RGS7: variants seen among roughly 807,000 people sequenced by gnomAD.
RGS7 encodes regulator of G protein signaling 7.
A neutral mutation model predicts 81.1 loss-of-function variants in RGS7; 27 were observed. The observed-to-expected ratio is 0.33, with a 90% CI of 0.25 to 0.46. The LOEUF (loss-of-function observed/expected upper bound fraction) is 0.46, where lower values mean the gene tolerates loss of function less well. Among genes scored for constraint, RGS7 ranks in the 20% least tolerant of loss-of-function variants. The pLI is 1.00. For synonymous variants in RGS7, 208 were observed against 207.7 expected, an observed-to-expected ratio of 1.00 and a Z score of -0.01; for missense variants, 396 against 607.4, an observed-to-expected ratio of 0.65 and a Z score of 3.66.
intron 13 of RGS7, among the ~76,000 whole-genome samples, chr1:240,812,691 T>C (rs543977532): frequency 6.6e-6 from 1 of 152,248 alleles, no homozygotes; most frequent in Admixed American, 6.5e-5. Context: ...CACCAAAGCG[T>C]CCCAAAGTGT....
chr1:241,306,326 C>A (rs553759707), intron 2 of RGS7, among the ~76,000 whole-genome samples: 1 of 151,456 alleles, frequency 6.6e-6, no homozygotes, highest in African/African-American at 2.4e-5. Flanking sequence ...CATGTCCACA[C>A]CCTTACACAC....
chr1:240,983,696 C>T (rs555661905), intron 3 of RGS7, among the ~76,000 whole-genome samples: 34 of 152,342 alleles, frequency 2.2e-4, no homozygotes, highest in South Asian at 1.0e-3. Flanking sequence ...TTCCCCTCGT[C>T]CACTGAGTTC....
intron 2 of RGS7, among the ~76,000 whole-genome samples, chr1:241,295,028 A>ATT (rs1353147571): frequency 2.6e-5 from 4 of 152,382 alleles, no homozygotes; most frequent in Non-Finnish European, 4.4e-5. Flanking sequence ...GTGAAATAAT[A>ATT]GTTCCTCTAA....
chr1:241,154,084 G>T (rs1000920312), intron 2 of RGS7, among the ~76,000 whole-genome samples: 2 of 152,188 alleles, frequency 1.3e-5, no homozygotes, highest in Non-Finnish European at 2.9e-5. Flanking sequence ...ACAGACATGT[G>T]TCCTGTTTTT....
intron 4 of RGS7, among the ~76,000 whole-genome samples, chr1:240,961,570 T>C (rs1456000539): frequency 6.6e-6 from 1 of 152,240 alleles, no homozygotes; most frequent in Non-Finnish European, 1.5e-5. Flanking sequence ...ACCAGAAATG[T>C]GTAGCAATTT....
intron 6 of RGS7, among the ~76,000 whole-genome samples, chr1:240,913,816 A>C (rs900104527): frequency 2.0e-5 from 3 of 151,900 alleles, no homozygotes; most frequent in Non-Finnish European, 4.4e-5. Flanking sequence ...ACAAACTGTT[A>C]TCTGTTAAAT....
intron 2 of RGS7, among the ~76,000 whole-genome samples, chr1:241,122,705 C>G (rs2066376032): frequency 6.6e-6 from 1 of 151,032 alleles, no homozygotes; most frequent in South Asian, 2.1e-4. Context: ...TACCGAACAT[C>G]ATAGCTTAGT....
At chr1:241,002,843 T>A (rs2058471684) in intron 3 of RGS7, among the ~76,000 whole-genome samples, 1 of 152,216 alleles carries the variant, frequency 6.6e-6, no homozygotes. Context: ...ATGAATAATC[T>A]CATTCATACT....
intron 3 of RGS7, among the ~76,000 whole-genome samples, chr1:241,005,774 A>G (rs1484171020): frequency 1.3e-5 from 2 of 152,106 alleles, no homozygotes; most frequent in Admixed American, 1.3e-4. Context: ...TGACCTCGTG[A>G]TCCACCCGCC....
chr1:241,078,037 C>T (rs1013411931), intron 3 of RGS7, among the ~76,000 whole-genome samples: 38 of 150,774 alleles, frequency 2.5e-4, no homozygotes, highest in Admixed American at 5.3e-4. Context: ...ACCATGTATA[C>T]GTAATATTAT....
At chr1:241,011,817 C>T (rs1025413239) in intron 3 of RGS7, among the ~76,000 whole-genome samples, 2 of 152,120 alleles carry the variant, frequency 1.3e-5, no homozygotes, top group Non-Finnish European at 2.9e-5. Context: ...TCCTATATCA[C>T]AAACCCATGT....
In RGS7 at chr1:241,238,035, C is replaced by T. The variant is rs1258826134; in HGVS notation, c.78+117664G>A. On this transcript the variant is annotated intron_variant, in intron 2 of 18. Coordinates refer to ENST00000440928, the MANE Select transcript of RGS7 (RefSeq NM_001364886.1). ...AGCCCTGAAGCTGAGTGATCACTTG[C>T]TTCCTCTGCTCCTCTCTCGTAAGAA... Among the ~76,000 whole-genome samples, 3 of 152,294 alleles carry T rather than the reference C, an allele frequency of 2.0e-5. No homozygotes were observed. In the East Asian group the frequency reaches 5.8e-4, roughly 29 times the overall value.
rs543645679 is a variant in RGS7, at chr1:240,878,965, G to A, written c.386-8846C>T. On this transcript the variant is annotated intron_variant, in intron 6 of 18. Coordinates refer to ENST00000440928, the MANE Select transcript of RGS7 (RefSeq NM_001364886.1). ...TATTACAAAGAACAATCCAGTGAAAGTTTCTCTAAGCATATATTCCTAGAA... is the reference window on the plus strand; with the variant it reads ...TATTACAAAGAACAATCCAGTGAAAATTTCTCTAAGCATATATTCCTAGAA... Among the ~76,000 whole-genome samples, 5 of 152,194 alleles carry A rather than the reference G, an allele frequency of 3.3e-5. No homozygotes were observed. In the East Asian group the frequency reaches 9.6e-4, roughly 29 times the overall value.
chr1:241,094,943 T>C (rs993254839), intron 3 of RGS7, among the ~76,000 whole-genome samples: 4 of 152,170 alleles, frequency 2.6e-5, no homozygotes, highest in Non-Finnish European at 5.9e-5. Flanking sequence ...CTATCAATCT[T>C]AGGGGCAACA....
intron 6 of RGS7, among the ~76,000 whole-genome samples, chr1:240,930,226 T>TTC (rs1675183694): frequency 6.7e-6 from 1 of 149,274 alleles, no homozygotes; most frequent in African/African-American, 2.5e-5. Flanking sequence ...TTTTAGCTTT[T>TTC]TTTTTTTTTT....
chr1:241,030,493 TACACACACACACAC>T (rs10649050), intron 3 of RGS7, among the ~76,000 whole-genome samples: 1 of 140,454 alleles, frequency 7.1e-6, no homozygotes, highest in Non-Finnish European at 1.5e-5. Context: ...TATATAGATG[TACACACACACACAC>T]ACACACACAC....
At chr1:241,064,572 C>T (rs1158705663) in intron 3 of RGS7, among the ~76,000 whole-genome samples, 1 of 151,490 alleles carries the variant, frequency 6.6e-6, no homozygotes, top group African/African-American at 2.4e-5. Flanking sequence ...CAGAGCAAGA[C>T]CCTGACTCAA....
chr1:240,944,862 C>T (rs1678333910), intron 4 of RGS7, among the ~76,000 whole-genome samples: 1 of 152,174 alleles, frequency 6.6e-6, no homozygotes, highest in African/African-American at 2.4e-5. Flanking sequence ...TACAGGCATG[C>T]GCCACCACGC....
chr1:241,306,578 G>T (rs1036340856), intron 2 of RGS7, among the ~76,000 whole-genome samples: 1 of 144,428 alleles, frequency 6.9e-6, no homozygotes, highest in Non-Finnish European at 1.5e-5. Flanking sequence ...GTCCACACAC[G>T]TACAAACCCT....
Sources: allele counts gnomAD v4.1 joint callset (sites outside exome capture counted in the v4.1 genomes callset), GRCh38; gene constraint gnomAD v4.1.1; transcripts MANE v1.5; gene names NCBI Gene and HGNC (gene_info 2026-07-23, HGNC 2026-07-21).